Variants in TMED3 observed in about 807,000 individuals in gnomAD.
TMED3 encodes transmembrane p24 trafficking protein 3, also known as transmembrane emp24 domain-containing protein 3.
A neutral mutation model predicts 15.0 loss-of-function variants in TMED3; 9 were observed. The observed-to-expected ratio is 0.60, with a 90% CI of 0.36 to 1.04. The LOEUF is 1.04. Ranked by LOEUF, TMED3 falls within the 50% of genes least tolerant of loss-of-function variation. TMED3 has a pLI of 0.01. For missense variants in TMED3, 267 were observed against 278.9 expected, an observed-to-expected ratio of 0.96 and a Z score of 0.30; for synonymous variants, 117 against 121.4, an observed-to-expected ratio of 0.96 and a Z score of 0.24.
At chr15:79,357,038 A>T (rs1196716250) in intron 2 of TMED3, among the ~76,000 whole-genome samples, 1 of 104,476 alleles carries the variant, frequency 9.6e-6, no homozygotes, top group African/African-American at 4.0e-5. Context: ...AAGAATATAC[A>T]CATAAACACA....
chr15:79,387,500 T>C (rs923872812), intron 2 of TMED3, among the ~76,000 whole-genome samples: 1 of 152,192 alleles, frequency 6.6e-6, no homozygotes, highest in Non-Finnish European at 1.5e-5. Context: ...ACTTTGTCAC[T>C]TTCATGGGTG....
intron 2 of TMED3, among the ~76,000 whole-genome samples, chr15:79,382,713 A>C (rs755121965): frequency 2.0e-5 from 3 of 152,054 alleles, no homozygotes; most frequent in Non-Finnish European, 4.4e-5. Context: ...TATGTCCTCC[A>C]CTTCACTCTG....
chr15:79,360,500 G>A (rs1408453922), intron 2 of TMED3, among the ~76,000 whole-genome samples: 1 of 152,230 alleles, frequency 6.6e-6, no homozygotes, highest in Non-Finnish European at 1.5e-5. Context: ...GGCAATAATA[G>A]CTACTAACTG....
At chr15:79,393,457 A>C (rs1461234655) in intron 2 of TMED3, among the ~76,000 whole-genome samples, 1 of 152,238 alleles carries the variant, frequency 6.6e-6, no homozygotes, top group Non-Finnish European at 1.5e-5. Context: ...CATGAGCACT[A>C]TGCTGCCTAT....
intron 2 of TMED3, among the ~76,000 whole-genome samples, chr15:79,364,033 C>G (rs1365797765): frequency 2.0e-5 from 3 of 152,204 alleles, no homozygotes. Context: ...GTTCTTGTCT[C>G]ACAACCAGGA....
chr15:79,364,792 T>C (rs115552394), intron 2 of TMED3, among the ~76,000 whole-genome samples: 1 of 151,384 alleles, frequency 6.6e-6, no homozygotes, highest in Non-Finnish European at 1.5e-5. Flanking sequence ...CACTGCATCC[T>C]CCCAGCTCCC....
downstream of TMED3, among the ~76,000 whole-genome samples, chr15:79,325,761 A>C (rs2058785008): frequency 6.6e-6 from 1 of 152,208 alleles, no homozygotes; most frequent in South Asian, 2.1e-4. Flanking sequence ...GACCACTGGT[A>C]TAAGTCCAAG....
chr15:79,320,219 G>A (rs2058760233), intron 2 of TMED3, among the ~76,000 whole-genome samples: 1 of 152,192 alleles, frequency 6.6e-6, no homozygotes, highest in Non-Finnish European at 1.5e-5. Flanking sequence ...CATAACAGAA[G>A]GCTCGCACTC....
At chr15:79,329,836 T>C (rs1328240774) in intron 2 of TMED3, among the ~76,000 whole-genome samples, 2 of 152,230 alleles carry the variant, frequency 1.3e-5, no homozygotes, top group Admixed American at 1.3e-4. Context: ...GTGACACATG[T>C]GGACCACAAT....
At chr15:79,400,499 C>G (rs1893819448) in intron 2 of TMED3, among the ~76,000 whole-genome samples, 1 of 152,190 alleles carries the variant, frequency 6.6e-6, no homozygotes, top group African/African-American at 2.4e-5. Context: ...TTTTGGTAAA[C>G]ATTTGCTGAT....
chr15:79,375,766 C>A (rs1447534477), intron 2 of TMED3, among the ~76,000 whole-genome samples: 1 of 152,176 alleles, frequency 6.6e-6, no homozygotes, highest in East Asian at 1.9e-4. Flanking sequence ...TCCCACCAGG[C>A]CCCACCTCCA....
chr15:79,356,228 T>C (rs757704949), intron 2 of TMED3, among the ~76,000 whole-genome samples: 6 of 152,282 alleles, frequency 3.9e-5, no homozygotes, highest in South Asian at 2.1e-4. Flanking sequence ...GGAAAAGCTG[T>C]GTGCTTTGAA....
intron 2 of TMED3, among the ~76,000 whole-genome samples, chr15:79,329,070 C>T (rs1485658590): frequency 6.6e-6 from 1 of 152,168 alleles, no homozygotes; most frequent in African/African-American, 2.4e-5. Context: ...CTAAGGCCAC[C>T]ATTTTATTCC....
At chr15:79,354,828 T>C (rs909643702) in intron 2 of TMED3, among the ~76,000 whole-genome samples, 5 of 152,112 alleles carry the variant, frequency 3.3e-5, no homozygotes, top group African/African-American at 1.2e-4. Flanking sequence ...ACTGTTCCCC[T>C]TCAAGCTCTG....
intron 2 of TMED3, among the ~76,000 whole-genome samples, chr15:79,370,264 T>TC: frequency 7.0e-6 from 1 of 143,032 alleles, no homozygotes; most frequent in Middle Eastern, 3.4e-3. Context: ...TAATTTTTTT[T>TC]TTTTTTTTTT....
intron 2 of TMED3, among the ~76,000 whole-genome samples, chr15:79,385,591 A>G (rs1360727457): frequency 6.6e-6 from 1 of 152,064 alleles, no homozygotes; most frequent in African/African-American, 2.4e-5. Context: ...CCTGGAGTGG[A>G]AGGCCCAGGT....
rs199728545 is a variant in TMED3 at position 79,376,092 on chromosome 15, G to GTTTTTTTTT, written c.418-35281_418-35273dup. On this transcript the variant is annotated intron_variant, in intron 2 of 2. Transcript: ENST00000424155. ...CTTACTTCATCTATTCTAGAGAAAGGTTTTTTTTTTTTTTTTTTTTTTTTT... is the reference window on the plus strand; with the variant it reads ...CTTACTTCATCTATTCTAGAGAAAGGTTTTTTTTTTTTTTTTTTTTTTTTTTTTTTTTTT... 5.2e-4 allele frequency among the ~76,000 whole-genome samples: 58 copies of GTTTTTTTTT among 112,062 alleles called. 5 individuals carry two copies. The highest frequency in any genetic ancestry group is 1.5e-3 in the African/African-American group (42 of 27,470). The allele number at this position is 112,062 out of a possible 152,430, so 73.5% of individuals were successfully genotyped here.
At chr15:79,371,431 GA>G (rs112890319) in intron 2 of TMED3, among the ~76,000 whole-genome samples, 1,549 of 151,826 alleles carry the variant, frequency 0.01, 17 homozygotes, top group African/African-American at 0.036. Flanking sequence ...CTGCTGCCCT[GA>G]AAAAAAACCA....
At chr15:79,388,239 G>A (rs1030133075) in intron 2 of TMED3, among the ~76,000 whole-genome samples, 4 of 151,888 alleles carry the variant, frequency 2.6e-5, no homozygotes, top group African/African-American at 9.7e-5. Flanking sequence ...CTTTCTTTTT[G>A]GTCTATCTCT....
Sources: gnomAD v4.1 joint callset for allele counts (sites outside exome capture counted in the v4.1 genomes callset) on GRCh38, gnomAD v4.1.1 for gene constraint, MANE v1.5 for transcripts, NCBI Gene and HGNC (gene_info 2026-07-23, HGNC 2026-07-21) for gene names.